Variants in CSNK1D observed in about 807,000 individuals in gnomAD.
CSNK1D encodes the protein casein kinase 1 delta, also known as casein kinase I isoform delta.
A neutral mutation model predicts 46.6 loss-of-function variants in CSNK1D; 16 were observed. That is an observed-to-expected ratio of 0.34 (90% CI 0.23 to 0.52). The LOEUF (loss-of-function observed/expected upper bound fraction) is 0.52, where lower values mean the gene tolerates loss of function less well. Ranked by LOEUF, CSNK1D falls within the 20% of genes least tolerant of loss-of-function variation. CSNK1D has a pLI of 0.95. For synonymous variants in CSNK1D, 276 were observed against 228.2 expected (o/e 1.21, Z -1.89); for missense variants, 398 against 578.4 (o/e 0.69, Z 3.20).
chr17:82,247,622 G>A lies in CSNK1D; in HGVS notation c.1197+1253C>T, dbSNP rs185742079. On this transcript the variant is annotated intron_variant, in intron 8 of 8. Transcript: ENST00000314028. ...CGAGGGCACGGGCAGACCCTCCCGG[G>A]AACTGCTCACAGGAACTGATGCGCA... 94 of 985,428 alleles carry A rather than the reference G, an allele frequency of 9.5e-5. No individual in the cohort carries two copies. The Middle Eastern group carries it at 2.1e-3, about 22-fold the overall frequency. 61.0% of individuals were successfully genotyped at this position (985,428 alleles called of 1,614,324 possible).
rs1298817127 is a variant in CSNK1D, at chr17:82,242,764, T to C, written c.*2017A>G. The C allele has an allele frequency of 5.1e-6, 5 of 985,330 alleles. No homozygotes were observed. Among genetic ancestry groups the C allele is most frequent in the Non-Finnish European group, 6.0e-6 (5 of 829,954 alleles). The allele number at this position is 985,330 out of a possible 1,614,324, so 61.0% of individuals were successfully genotyped here. A position where few individuals can be genotyped will look rare whatever the true frequency, so the allele number is the denominator to read the frequency against. ...GCACAGCTCGGAGACTGGCCGTCAG[T>C]GCACAGCTGACACGACGTCCTACCT... On this transcript the variant is annotated 3_prime_UTR_variant, in exon 9 of 9. Transcript: ENST00000314028.
downstream of CSNK1D, among the ~76,000 whole-genome samples, chr17:82,242,217 G>C (rs182689513): frequency 2.0e-4 from 31 of 151,596 alleles, no homozygotes; most frequent in East Asian, 5.8e-4. Flanking sequence ...TGCTCTGGGG[G>C]GGGGGGGAAG....
chr17:82,266,796 C>T (rs547346546), intron 1 of CSNK1D: 2 of 152,668 alleles, frequency 1.3e-5, no homozygotes, highest in Admixed American at 6.5e-5. Flanking sequence ...CGCGGTGGCT[C>T]ACGCCTGTAA....
chr17:82,251,303 G>C lies in CSNK1D; in HGVS notation c.885+76C>G. 6.4e-7 allele frequency: 1 copy of C among 1,567,570 alleles called. No homozygotes were observed. On this transcript the variant is annotated intron_variant, in intron 6 of 8. Coordinates refer to ENST00000314028, the MANE Select transcript of CSNK1D (RefSeq NM_001893.6). This position sits in a 1 kb window ranked among gnomAD's most constrained non-coding sequence, Gnocchi z 4.5. ...CCTATATGGTACAGCCCCTCAACAA[G>C]ACGGCCGCCGGCCTCTCACTGACAA...
At chr17:82,245,958 C>T (rs773383910) in intron 8 of CSNK1D, 19 of 1,591,892 alleles carry the variant, frequency 1.2e-5, no homozygotes, top group East Asian at 4.6e-5. Context: ...GCCTGGCGCC[C>T]GCCACGCGCA....
chr17:82,242,005 TGAC>T (rs1463522521), downstream of CSNK1D, among the ~76,000 whole-genome samples: 1 of 139,670 alleles, frequency 7.2e-6, no homozygotes, highest in African/African-American at 2.7e-5. Flanking sequence ...TTAGGCAGCG[TGAC>T]CCTGGCCAAG....
downstream of CSNK1D, chr17:82,239,918 C>T: frequency 9.5e-7 from 1 of 1,053,960 alleles, no homozygotes; most frequent in Non-Finnish European, 1.2e-6. Flanking sequence ...ACCCACCTGC[C>T]CTCGTGGCCA....
intron 1 of CSNK1D, among the ~76,000 whole-genome samples, chr17:82,270,063 G>A (rs895012045): frequency 6.6e-6 from 1 of 152,236 alleles, no homozygotes; most frequent in African/African-American, 2.4e-5. Flanking sequence ...TGTGTGGGCT[G>A]TGTCACCTTC....
intron 2 of CSNK1D, among the ~76,000 whole-genome samples, chr17:82,256,491 C>T (rs1206296593): frequency 1.3e-5 from 2 of 150,066 alleles, no homozygotes; most frequent in Non-Finnish European, 3.0e-5. Context: ...CCAGCCTGGG[C>T]CACAGAGCAA....
chr17:82,267,139 A>G (rs2051496936), intron 1 of CSNK1D: 2 of 151,564 alleles, frequency 1.3e-5, no homozygotes, highest in Admixed American at 1.3e-4. Flanking sequence ...CACTAGCTTC[A>G]GCAGCCCAGA....
chr17:82,263,674 T>C (rs2051396101), intron 2 of CSNK1D, among the ~76,000 whole-genome samples: 1 of 152,274 alleles, frequency 6.6e-6, no homozygotes, highest in Admixed American at 6.5e-5. Context: ...TGCCCTTGTG[T>C]ACCCCTGGCT....
intron 3 of CSNK1D, 111 bp from the exon 4 acceptor site, chr17:82,253,355 A>G (rs1413275638): frequency 1.1e-6 from 1 of 913,120 alleles, no homozygotes; most frequent in Non-Finnish European, 1.8e-6. Context: ...CCTCAGCCAC[A>G]GCAGGGTAGT....
In CSNK1D at chr17:82,249,141, G is replaced by T. The variant is rs780908081; in HGVS notation, c.1058-127C>A. 10 of 1,180,530 alleles carry T rather than the reference G, an allele frequency of 8.5e-6. No homozygotes were observed. Among genetic ancestry groups the T allele is most frequent in the Non-Finnish European group, 1.2e-5 (10 of 848,046 alleles). 73.1% of individuals were successfully genotyped at this position (1,180,530 alleles called of 1,614,324 possible). On this transcript the variant is annotated intron_variant, in intron 7 of 8. Transcript: ENST00000314028. The surrounding 1 kb of genome is among the most constrained non-coding windows in gnomAD (Gnocchi z 6.7). The stretch of plus-strand genomic sequence containing the variant: ...GGACAGTCAGGACCTGGCTGTGGCC[G>T]ATGGCCACCAACACTCAGATCCGGC...
chr17:82,265,494 T>A (rs928817947), intron 2 of CSNK1D, 192 bp downstream of exon 2: 1 of 616,158 alleles, frequency 1.6e-6, no homozygotes, highest in Non-Finnish European at 3.0e-6. Flanking sequence ...GATGTTTCTT[T>A]GTGTTGAGGG....
At position 82,262,916 on chromosome 17, in the gene CSNK1D, A is replaced by G. The variant is rs7225895; in HGVS notation, c.187+2770T>C. Among the ~76,000 whole-genome samples, 1,515 of 152,358 alleles carry G rather than the reference A, an allele frequency of 9.9e-3. 28 individuals are homozygous for G. Among genetic ancestry groups the G allele is most frequent in the African/African-American group, 0.034 (1,429 of 41,572 alleles). ...CAGTATCTGACGGGCGCGATGGCTCACGCCTATAATCCCAGCACTTTGGGA... is the reference window on the plus strand; with the variant it reads ...CAGTATCTGACGGGCGCGATGGCTCGCGCCTATAATCCCAGCACTTTGGGA... On this transcript the variant is annotated intron_variant, in intron 2 of 8. Coordinates refer to ENST00000314028, the MANE Select transcript of CSNK1D (RefSeq NM_001893.6).
rs1272379639 is a variant in CSNK1D at position 82,243,120 on chromosome 17, A to G, written c.*1661T>C. 1.0e-6 allele frequency: 1 copy of G among 985,322 alleles called. No individual in the cohort carries two copies. The highest frequency in any genetic ancestry group is 1.2e-6 in the Non-Finnish European group (1 of 829,968). 61.0% of individuals were successfully genotyped at this position (985,322 alleles called of 1,614,324 possible). On this transcript the variant is annotated 3_prime_UTR_variant, in exon 9 of 9. Transcript: ENST00000314028. ...ACCCGCTCAAGGCCCCGTACTCCAA[A>G]ACGCTTACACAGTAACCAGCCTAGG...
chr17:82,243,098 C>T lies in CSNK1D; in HGVS notation c.*1683G>A, dbSNP rs1001131503. 1.0e-5 allele frequency: 10 copies of T among 985,500 alleles called. No homozygotes were observed. The highest frequency in any genetic ancestry group is 3.5e-5 in the African/African-American group (2 of 57,368). The allele number at this position is 985,500 out of a possible 1,614,324, so 61.0% of individuals were successfully genotyped here. On this transcript the variant is annotated 3_prime_UTR_variant, in exon 9 of 9. Transcript: ENST00000314028. ...TGTACTTCAACACACAGCTCCCACC[C>T]GCTCAAGGCCCCGTACTCCAAAACG...
In CSNK1D at chr17:82,244,750, T is replaced by C. The variant is rs756708959; in HGVS notation, c.*31A>G. On this transcript the variant is annotated 3_prime_UTR_variant, in exon 9 of 9. Coordinates refer to ENST00000314028, the MANE Select transcript of CSNK1D (RefSeq NM_001893.6). ...GTAACAGAGTAGATCAGCCATGCATTGTCTGCCCTTCACAGCAATAAGGAG... is the reference window on the plus strand; with the variant it reads ...GTAACAGAGTAGATCAGCCATGCATCGTCTGCCCTTCACAGCAATAAGGAG... The C allele has an allele frequency of 6.2e-7, 1 of 1,613,856 alleles. No individual in the cohort carries two copies. Among genetic ancestry groups the C allele is most frequent in the South Asian group, 1.1e-5 (1 of 91,086 alleles).
intron 2 of CSNK1D, among the ~76,000 whole-genome samples, chr17:82,263,602 T>C (rs892235582): frequency 6.6e-6 from 1 of 152,264 alleles, no homozygotes; most frequent in African/African-American, 2.4e-5. Context: ...TAGCACTTTT[T>C]GGTTCAGGGT....
Sources: allele counts gnomAD v4.1 joint callset (sites outside exome capture counted in the v4.1 genomes callset), GRCh38; gene constraint gnomAD v4.1.1; non-coding constraint Gnocchi (gnomAD v3.1); transcripts MANE v1.5; gene names NCBI Gene and HGNC (gene_info 2026-07-23, HGNC 2026-07-21).